VWA8: variants seen among roughly 807,000 people sequenced by gnomAD.
VWA8 encodes the protein von Willebrand factor A domain-containing protein 8.
Under a neutral mutation model 241.5 loss-of-function variants are expected in VWA8, and 221 were observed. That is an observed-to-expected ratio of 0.91 (90% confidence interval 0.82 to 1.02). The LOEUF (loss-of-function observed/expected upper bound fraction) is 1.02, where lower values mean the gene tolerates loss of function less well. Among genes scored for constraint, VWA8 ranks in the 50% least tolerant of loss-of-function variants. VWA8 has a pLI of 0.00. For synonymous variants in VWA8, 852 were observed against 827.1 expected (o/e 1.03, Z -0.52); for missense variants, 2,322 against 2,328.7 (o/e 1.00, Z 0.06).
At chr13:41,800,606 G>A (rs1345423716) in intron 17 of VWA8, among the ~76,000 whole-genome samples, 1 of 145,996 alleles carries the variant, frequency 6.8e-6, no homozygotes, top group African/African-American at 2.5e-5. Flanking sequence ...GGCTAACACA[G>A]TGAAACACCG....
chr13:41,746,879 G>C (rs2045611283), intron 21 of VWA8, among the ~76,000 whole-genome samples: 1 of 151,798 alleles, frequency 6.6e-6, no homozygotes, highest in Non-Finnish European at 1.5e-5. Flanking sequence ...GTAACAATTG[G>C]TTTGACCCAT....
At chr13:41,814,776 G>C (rs1392835008) in intron 16 of VWA8, among the ~76,000 whole-genome samples, 1 of 152,086 alleles carries the variant, frequency 6.6e-6, no homozygotes. Flanking sequence ...GCCAACATTT[G>C]CAACTTTGCA....
chr13:41,758,397 A>AATATAT (rs1566444703), intron 21 of VWA8, among the ~76,000 whole-genome samples: 1 of 8,630 alleles, frequency 1.2e-4, no homozygotes, highest in African/African-American at 3.2e-4. Context: ...TATATACGCT[A>AATATAT]GTATATATAT....
intron 4 of VWA8, among the ~76,000 whole-genome samples, chr13:41,907,235 T>C (rs1026848132): frequency 8.5e-5 from 13 of 152,172 alleles, no homozygotes; most frequent in African/African-American, 3.1e-4. Context: ...AGATTGAAAA[T>C]ACTTTAATAA....
In VWA8 at chr13:41,886,813, T is replaced by C; in HGVS notation, c.834A>G (p.Leu278=). 1.3e-6 allele frequency: 2 copies of C among 1,592,978 alleles called. No homozygotes were observed. Among genetic ancestry groups the C allele is most frequent in the Non-Finnish European group, 8.5e-7 (1 of 1,172,820 alleles). Reference sequence around the variant, plus strand: ...CAGAAACATTGGCTCCAATTGAATATAACAACTTAAGTTGGTCCTAAAGTA... The same window carrying C: ...CAGAAACATTGGCTCCAATTGAATACAACAACTTAAGTTGGTCCTAAAGTA... ...YLPFKDQLKL[L]YSIGANVSAE... The change falls in exon 7 of 45, where the codon TTA becomes TTG. Residue 278 remains leucine, a synonymous_variant. Coordinates refer to ENST00000379310, the MANE Select transcript of VWA8 (RefSeq NM_015058.2).
intron 2 of VWA8, 86 bp downstream of exon 2, chr13:41,949,850 A>G (rs1244053586): frequency 1.6e-5 from 12 of 751,264 alleles, no homozygotes; most frequent in Non-Finnish European, 2.6e-5. Context: ...GGTTTATACT[A>G]TTCTCTCTAG....
chr13:41,639,776 G>A (rs2044783497), intron 37 of VWA8, among the ~76,000 whole-genome samples: 1 of 152,098 alleles, frequency 6.6e-6, no homozygotes, highest in Admixed American at 6.6e-5. Flanking sequence ...GAGAGTCGGC[G>A]GTGGGAGGAG....
chr13:41,730,563 C>T (rs1225551956), intron 22 of VWA8, among the ~76,000 whole-genome samples: 3 of 151,978 alleles, frequency 2.0e-5, no homozygotes, highest in Non-Finnish European at 4.4e-5. Flanking sequence ...GTCTTGGCAA[C>T]TGCTTAGGTG....
chr13:41,923,300 G>A (rs894915324), intron 2 of VWA8, among the ~76,000 whole-genome samples: 10 of 152,080 alleles, frequency 6.6e-5, no homozygotes, highest in Admixed American at 3.3e-4. Flanking sequence ...TGGGGGGAGC[G>A]GGGAGGGATA....
chr13:41,620,371 T>C (rs1165427428), intron 37 of VWA8, among the ~76,000 whole-genome samples: 2 of 152,178 alleles, frequency 1.3e-5, no homozygotes, highest in East Asian at 3.8e-4. Flanking sequence ...TTCTTCTTTA[T>C]CAGTCTTGCC....
chr13:41,667,134 C>A (rs941173412), intron 37 of VWA8, among the ~76,000 whole-genome samples: 3 of 152,146 alleles, frequency 2.0e-5, no homozygotes, highest in African/African-American at 7.2e-5. Context: ...TAATAGTCAG[C>A]CAGTTAAATA....
rs563984703 is a variant in VWA8 at position 41,819,396 on chromosome 13, GA to G, written c.1701-11del. On this transcript the variant is annotated splice_polypyrimidine_tract_variant and intron_variant, in intron 14 of 44. Coordinates refer to ENST00000379310, the MANE Select transcript of VWA8 (RefSeq NM_015058.2). ...GATAGGAAAAATGGATCTAAAATAG[GA>G]AAAAAAATGAAAAAAAATAACATAT... 8.2e-6 allele frequency: 13 copies of G among 1,577,956 alleles called. No individual in the cohort carries two copies. In the Admixed American group the frequency reaches 1.0e-4, roughly 13 times the overall value.
At chr13:41,859,495 T>C (rs573124709) in intron 12 of VWA8, among the ~76,000 whole-genome samples, 1 of 152,330 alleles carries the variant, frequency 6.6e-6, no homozygotes, top group East Asian at 1.9e-4. Context: ...TAAATTTGAC[T>C]TGGTGTTTAA....
intron 39 of VWA8, among the ~76,000 whole-genome samples, chr13:41,609,212 G>A (rs1448516090): frequency 2.6e-5 from 4 of 152,084 alleles, no homozygotes; most frequent in Non-Finnish European, 4.4e-5. Context: ...ATCACATAAC[G>A]GGAAAGAGTG....
intron 21 of VWA8, among the ~76,000 whole-genome samples, chr13:41,747,243 T>A (rs2137886607): frequency 6.6e-6 from 1 of 152,334 alleles, no homozygotes; most frequent in African/African-American, 2.4e-5. Context: ...TGGAATGTTC[T>A]TCCATTTGTT....
Position 41,883,870 on chromosome 13 carries a change from C to T in VWA8, c.976-379G>A, listed in dbSNP as rs146750737. Among the ~76,000 whole-genome samples the T allele has an allele frequency of 6.3e-3, 959 of 152,246 alleles. 6 individuals are homozygous for T. Among genetic ancestry groups the T allele is most frequent in the African/African-American group, 0.022 (910 of 41,534 alleles). On this transcript the variant is annotated intron_variant, in intron 8 of 44. Coordinates refer to ENST00000379310, the MANE Select transcript of VWA8 (RefSeq NM_015058.2). ...TCTCTACCTTATTCATCCCAAAGTA[C>T]CTGATCCCTTTTTATTCCTAAGTTA...
At chr13:41,927,315 T>TA in intron 2 of VWA8, 1 of 528,520 alleles carries the variant, frequency 1.9e-6, no homozygotes, top group Non-Finnish European at 3.9e-6. Flanking sequence ...CAACCACTGA[T>TA]ATGCTGGAAA....
chr13:41,751,828 T>C (rs1474873729), intron 21 of VWA8, among the ~76,000 whole-genome samples: 1 of 152,210 alleles, frequency 6.6e-6, no homozygotes, highest in East Asian at 1.9e-4. Flanking sequence ...AGATCTATTA[T>C]ATACATAGAA....
At chr13:41,575,905 T>C in intron 42 of VWA8, 67 bp from the exon 43 acceptor site, 1 of 1,204,204 alleles carries the variant, frequency 8.3e-7, no homozygotes, top group Non-Finnish European at 1.2e-6. Flanking sequence ...AGATCTTTAA[T>C]GTTCAACTCT....
Sources: allele counts gnomAD v4.1 joint callset (sites outside exome capture counted in the v4.1 genomes callset), GRCh38; gene constraint gnomAD v4.1.1; transcripts MANE v1.5; gene names NCBI Gene and HGNC (gene_info 2026-07-23, HGNC 2026-07-21).